The following COPG2 variants were observed in gnomAD, a reference collection of about 807,000 sequenced individuals.
COPG2 encodes the protein coatomer subunit gamma-2.
In COPG2, 37 loss-of-function variants were observed where a neutral mutation model predicts 46.3. That is an observed-to-expected ratio of 0.80 (90% confidence interval 0.61 to 1.05). The LOEUF is 1.05. Ranked by LOEUF, COPG2 falls within the 50% of genes least tolerant of loss-of-function variation. The pLI is 0.00. For missense variants in COPG2, 427 were observed against 387.8 expected (o/e 1.10, Z -0.85); for synonymous variants, 159 against 129.7 (o/e 1.23, Z -1.53).
chr7:130,548,678 G>A (rs923694287), intron 18 of COPG2, 136 bp from the exon 19 acceptor site: 11 of 379,952 alleles, frequency 2.9e-5, no homozygotes, highest in East Asian at 2.6e-4. Context: ...CGAGGCAGGC[G>A]GATCACGAGG....
At chr7:130,623,789 A>T (rs1450288511) in intron 5 of COPG2, among the ~76,000 whole-genome samples, 1 of 152,170 alleles carries the variant, frequency 6.6e-6, no homozygotes, top group Admixed American at 6.5e-5. Flanking sequence ...GTTTGAGGAC[A>T]GCCTGGGCAA....
Position 130,606,507 on chromosome 7 carries a change from C to T in COPG2, c.737+4446G>A, listed in dbSNP as rs1269030355. Among the ~76,000 whole-genome samples, 6 of 152,092 alleles carry T rather than the reference C, an allele frequency of 3.9e-5. No individual in the cohort carries two copies. The East Asian group carries it at 9.7e-4, about 24-fold the overall frequency. On this transcript the variant is annotated intron_variant, in intron 9 of 23. Transcript: ENST00000425248. The stretch of plus-strand genomic sequence containing the variant: ...AATGTAAACTTGAGTAAGGTAGATC[C>T]TTGTTATTATGTATTGGCAGAGAGC...
chr7:130,625,746 ATAAT>A (rs1795107602), intron 5 of COPG2, among the ~76,000 whole-genome samples: 1 of 151,824 alleles, frequency 6.6e-6, no homozygotes, highest in South Asian at 2.1e-4. Context: ...TTTTGATTTA[ATAAT>A]TAGATATGTT....
chr7:130,628,107 TGTTA>T (rs1795149664), intron 5 of COPG2, among the ~76,000 whole-genome samples: 1 of 152,176 alleles, frequency 6.6e-6, no homozygotes, highest in East Asian at 1.9e-4. Flanking sequence ...TCTGTGGTCT[TGTTA>T]GTTTGTTTTC....
intron 6 of COPG2, among the ~76,000 whole-genome samples, chr7:130,615,929 C>T (rs1794941995): frequency 6.6e-6 from 1 of 152,182 alleles, no homozygotes; most frequent in Non-Finnish European, 1.5e-5. Flanking sequence ...TTAGATCCCC[C>T]TTAGGACATA....
In COPG2 at chr7:130,513,323, A is replaced by ATGTGTGTGTGTGTG. The variant is rs1401302098; in HGVS notation, c.2150-4665_2150-4664insCACACACACACACA. On this transcript the variant is annotated intron_variant, in intron 20 of 23. Coordinates refer to ENST00000425248, the MANE Select transcript of COPG2 (RefSeq NM_012133.6). ...AAAAAAAAAAAATATATATATATAT[A>ATGTGTGTGTGTGTG]TATATATATATATATATATGTGTGT... 6.6e-4 allele frequency among the ~76,000 whole-genome samples: 32 copies of ATGTGTGTGTGTGTG among 48,322 alleles called. 1 individual carries two copies. Among genetic ancestry groups the ATGTGTGTGTGTGTG allele is most frequent in the East Asian group, 4.0e-3 (7 of 1,738 alleles). 31.7% of individuals were successfully genotyped at this position (48,322 alleles called of 152,430 possible).
At chr7:130,508,393 C>A in intron 21 of COPG2, 169 bp downstream of exon 21, 1 of 561,186 alleles carries the variant, frequency 1.8e-6, no homozygotes, top group Non-Finnish European at 3.2e-6. Flanking sequence ...TGGTGCTGTC[C>A]AGTTACAGAG....
At chr7:130,578,256 A>G (rs1358413800) in intron 9 of COPG2, among the ~76,000 whole-genome samples, 1 of 150,374 alleles carries the variant, frequency 6.7e-6, no homozygotes, top group Admixed American at 6.6e-5. Context: ...CTCACACAGC[A>G]GGGTATTCCA....
At chr7:130,574,723 G>C (rs782612430) in intron 9 of COPG2, among the ~76,000 whole-genome samples, 8 of 152,070 alleles carry the variant, frequency 5.3e-5, no homozygotes, top group Non-Finnish European at 1.0e-4. Context: ...ACCTGTAAAA[G>C]AATTCAGGAG....
chr7:130,539,252 T>C (rs1799913286), intron 20 of COPG2, among the ~76,000 whole-genome samples: 3 of 151,084 alleles, frequency 2.0e-5, no homozygotes, highest in Admixed American at 1.3e-4. Context: ...CCAAGGTAAA[T>C]GGAAATAATG....
chr7:130,665,498 G>T (rs1209765112), intron 3 of COPG2, among the ~76,000 whole-genome samples: 1 of 152,052 alleles, frequency 6.6e-6, no homozygotes, highest in Non-Finnish European at 1.5e-5. Context: ...AACTATGTTT[G>T]TACTGAACAC....
At chr7:130,607,847 C>T (rs190948087) in intron 9 of COPG2, 1 of 517,144 alleles carries the variant, frequency 1.9e-6, no homozygotes, top group Non-Finnish European at 3.9e-6. Flanking sequence ...AGCAAAAAAA[C>T]CCCACAAATT....
intron 20 of COPG2, among the ~76,000 whole-genome samples, chr7:130,536,696 AC>A (rs1799883452): frequency 6.6e-6 from 1 of 152,148 alleles, no homozygotes; most frequent in African/African-American, 2.4e-5. Flanking sequence ...AGGTGTGGGA[AC>A]ACAGTTCCCG....
At chr7:130,567,415 C>T (rs957336849) in intron 9 of COPG2, among the ~76,000 whole-genome samples, 3 of 152,226 alleles carry the variant, frequency 2.0e-5, no homozygotes, top group East Asian at 1.9e-4. Flanking sequence ...AAAACTTCCC[C>T]GGCCTTGCAA....
At chr7:130,666,569 T>G (rs898620497) in intron 3 of COPG2, among the ~76,000 whole-genome samples, 2 of 152,164 alleles carry the variant, frequency 1.3e-5, no homozygotes, top group South Asian at 2.1e-4. Flanking sequence ...AGATTAGCAA[T>G]AGTCAGTGAG....
At chr7:130,532,696 A>AGAAG (rs1799840284) in intron 20 of COPG2, among the ~76,000 whole-genome samples, 1 of 152,056 alleles carries the variant, frequency 6.6e-6, no homozygotes, top group Non-Finnish European at 1.5e-5. Context: ...AGGGTGTGAA[A>AGAAG]GGTATCGGGA....
intron 9 of COPG2, among the ~76,000 whole-genome samples, chr7:130,574,478 G>A (rs1049341368): frequency 1.3e-5 from 2 of 152,114 alleles, no homozygotes; most frequent in Admixed American, 6.5e-5. Context: ...AGGAAGCCAC[G>A]TCCATAGGAA....
At chr7:130,659,870 C>T (rs992325713) in intron 4 of COPG2, among the ~76,000 whole-genome samples, 8 of 152,160 alleles carry the variant, frequency 5.3e-5, no homozygotes, top group Non-Finnish European at 1.0e-4. Context: ...CAAGATCGCG[C>T]CACTGCACTT....
At chr7:130,533,897 G>C (rs995153573) in intron 20 of COPG2, among the ~76,000 whole-genome samples, 2 of 147,686 alleles carry the variant, frequency 1.4e-5, no homozygotes, top group Non-Finnish European at 3.0e-5. Context: ...TATGTGGGTC[G>C]TGAGATGGGT....
Sources: gnomAD v4.1 joint callset for allele counts (sites outside exome capture counted in the v4.1 genomes callset) on GRCh38, gnomAD v4.1.1 for gene constraint, MANE v1.5 for transcripts, NCBI Gene and HGNC (gene_info 2026-07-23, HGNC 2026-07-21) for gene names.